The following ADARB1 variants were observed in gnomAD, a reference collection of about 807,000 sequenced individuals.
The protein encoded by ADARB1 is double-stranded RNA-specific editase 1.
ADARB1 carries 10 observed loss-of-function variants against 52.4 expected under a neutral mutation model. That is an observed-to-expected ratio of 0.19 (90% CI 0.12 to 0.32). The LOEUF (loss-of-function observed/expected upper bound fraction) is 0.32, where lower values mean the gene tolerates loss of function less well. ADARB1 is among the 10% of genes least tolerant of loss of function. The pLI, the probability that ADARB1 is intolerant of heterozygous loss-of-function variation, is 1.00. For synonymous variants in ADARB1, 349 were observed against 371.1 expected (o/e 0.94, Z 0.68); for missense variants, 643 against 922.3 (o/e 0.70, Z 3.92).
intron 1 of ADARB1, among the ~76,000 whole-genome samples, chr21:45,113,973 G>A (rs2087692007): frequency 6.6e-6 from 1 of 152,212 alleles, no homozygotes; most frequent in South Asian, 2.1e-4. Context: ...ACCTGTTAAA[G>A]CACCAGAATT....
intron 1 of ADARB1, among the ~76,000 whole-genome samples, chr21:45,075,684 T>G (rs145630099): frequency 9.4e-4 from 143 of 152,334 alleles, no homozygotes; most frequent in Non-Finnish European, 1.4e-3. Flanking sequence ...TGAAACGTGT[T>G]GGAGTCCCGA....
chr21:45,164,442 G>A (rs532092552), intron 2 of ADARB1, among the ~76,000 whole-genome samples: 1 of 151,170 alleles, frequency 6.6e-6, no homozygotes, highest in Non-Finnish European at 1.5e-5. Context: ...GACCGAGCCT[G>A]CCCCAGCCAT....
intron 1 of ADARB1, among the ~76,000 whole-genome samples, chr21:45,123,594 C>G (rs1203867015): frequency 6.6e-6 from 1 of 150,994 alleles, no homozygotes. Context: ...TGTGAGCCAT[C>G]GTGCTGGCCT....
intron 8 of ADARB1, among the ~76,000 whole-genome samples, chr21:45,189,468 T>G (rs1267513372): frequency 6.6e-6 from 1 of 152,218 alleles, no homozygotes; most frequent in Non-Finnish European, 1.5e-5. Flanking sequence ...TCATTTAAAT[T>G]TTATGCACCA....
At chr21:45,190,640 A>C (rs376436954) in intron 8 of ADARB1, among the ~76,000 whole-genome samples, 1 of 152,136 alleles carries the variant, frequency 6.6e-6, no homozygotes, top group African/African-American at 2.4e-5. Flanking sequence ...AAAATCTAGG[A>C]CCTCTTATGC....
rs2087611227 is a variant in ADARB1 at position 45,112,945 on chromosome 21, G to C, written c.-219-15457G>C. Among the ~76,000 whole-genome samples the C allele has an allele frequency of 2.0e-5, 3 of 152,020 alleles. No individual in the cohort carries two copies. In the South Asian group the frequency reaches 6.3e-4, roughly 32 times the overall value. On this transcript the variant is annotated intron_variant, in intron 1 of 10. Transcript: ENST00000348831. ...TGTACACAGGCCCTAAGGGGTGCTG[G>C]GGCCATGTGGGTAGTCATAGGAAGA...
chr21:45,095,612 C>G (rs1317356463), intron 1 of ADARB1, among the ~76,000 whole-genome samples: 1 of 152,062 alleles, frequency 6.6e-6, no homozygotes, highest in African/African-American at 2.4e-5. Context: ...CCCGCTGTTT[C>G]AGGGTGCACG....
intron 1 of ADARB1, among the ~76,000 whole-genome samples, chr21:45,093,684 G>C (rs1759272193): frequency 6.6e-6 from 1 of 152,158 alleles, no homozygotes. Flanking sequence ...CTCCTCACCA[G>C]GGGTATGGGG....
intron 2 of ADARB1, among the ~76,000 whole-genome samples, chr21:45,162,665 C>T (rs912421629): frequency 1.4e-4 from 21 of 152,200 alleles, no homozygotes; most frequent in Admixed American, 2.0e-4. Flanking sequence ...CCATGAAAGC[C>T]CCACTCCTTG....
chr21:45,122,604 T>C (rs1214958850), intron 1 of ADARB1, among the ~76,000 whole-genome samples: 1 of 152,178 alleles, frequency 6.6e-6, no homozygotes, highest in Non-Finnish European at 1.5e-5. Context: ...GAAGATGAGC[T>C]GCTGGCCCCT....
At chr21:45,180,805 C>T (rs75012184) in intron 5 of ADARB1, among the ~76,000 whole-genome samples, 3,280 of 152,276 alleles carry the variant, frequency 0.022, 112 homozygotes, top group African/African-American at 0.076. Flanking sequence ...GTTAACGATG[C>T]CAGATAAGTT....
At chr21:45,160,437 A>G (rs923184614) in intron 2 of ADARB1, among the ~76,000 whole-genome samples, 1 of 152,244 alleles carries the variant, frequency 6.6e-6, no homozygotes, top group Non-Finnish European at 1.5e-5. Flanking sequence ...CACATGTTCC[A>G]TGCACATTTG....
chr21:45,098,192 G>T lies in ADARB1; in HGVS notation c.-220+23399G>T, dbSNP rs374362482. Among the ~76,000 whole-genome samples, 7 of 152,212 alleles carry T rather than the reference G, an allele frequency of 4.6e-5. No homozygotes were observed. In the East Asian group the frequency reaches 7.7e-4, roughly 17 times the overall value. On this transcript the variant is annotated intron_variant, in intron 1 of 10. Transcript: ENST00000348831. ...CCTGCCCTGTGCTTGCAGGCTCCAC[G>T]GACCCACCAGGGCATCTGGAATACA...
chr21:45,098,568 T>C (rs1462881174), intron 1 of ADARB1, among the ~76,000 whole-genome samples: 3 of 152,104 alleles, frequency 2.0e-5, no homozygotes, highest in African/African-American at 7.2e-5. Flanking sequence ...AACTGTTGAG[T>C]TTGAATCATC....
At chr21:45,139,933 CTTTTTTTTTTTTTTT>C (rs200847132) in intron 2 of ADARB1, among the ~76,000 whole-genome samples, 3 of 84,972 alleles carry the variant, frequency 3.5e-5, no homozygotes, top group African/African-American at 4.6e-5. Flanking sequence ...CAATAAAACT[CTTTTTTTTTTTTTTT>C]TTTTTTTTTT....
chr21:45,159,837 G>T (rs1601675864), intron 2 of ADARB1, among the ~76,000 whole-genome samples: 2 of 152,346 alleles, frequency 1.3e-5, no homozygotes, highest in East Asian at 1.9e-4. Context: ...GAGGCCAGAT[G>T]GGTGCTGCTC....
chr21:45,161,350 TGAG>T (rs1159316111), intron 2 of ADARB1, among the ~76,000 whole-genome samples: 42 of 152,198 alleles, frequency 2.8e-4, no homozygotes, highest in African/African-American at 1.0e-3. Flanking sequence ...CCCGACAGGC[TGAG>T]AAGTGCCTGC....
intron 9 of ADARB1, among the ~76,000 whole-genome samples, chr21:45,210,316 G>A (rs1345466174): frequency 6.6e-5 from 10 of 152,260 alleles, no homozygotes; most frequent in African/African-American, 2.4e-4. Context: ...CTGTTGTTAC[G>A]GACACGGTGA....
At chr21:45,153,518 C>T (rs952078687) in intron 2 of ADARB1, among the ~76,000 whole-genome samples, 10 of 152,284 alleles carry the variant, frequency 6.6e-5, no homozygotes, top group Admixed American at 5.9e-4. Flanking sequence ...CGCTTCACCA[C>T]CACAGGGCCC....
Sources: allele counts gnomAD v4.1 joint callset (sites outside exome capture counted in the v4.1 genomes callset), GRCh38; gene constraint gnomAD v4.1.1; transcripts MANE v1.5; gene names NCBI Gene and HGNC (gene_info 2026-07-23, HGNC 2026-07-21).